CD302: variants seen among roughly 807,000 people sequenced by gnomAD.
CD302 encodes CD302 antigen.
A neutral mutation model predicts 26.5 loss-of-function variants in CD302; 23 were observed. That is an observed-to-expected ratio of 0.87 (90% CI 0.62 to 1.23). The LOEUF (loss-of-function observed/expected upper bound fraction) is 1.23, where lower values mean the gene tolerates loss of function less well. Among genes scored for constraint, CD302 ranks in the 50% most tolerant of loss-of-function variants. CD302 has a pLI of 0.00. For missense variants in CD302, 290 were observed against 275.5 expected, an observed-to-expected ratio of 1.05 and a Z score of -0.37; for synonymous variants, 90 against 99.4, an observed-to-expected ratio of 0.91 and a Z score of 0.56.
rs532373464 is a variant in CD302 at position 159,774,119 on chromosome 2, A to G, written c.497-2066T>C. ...CCGTCCAGCCTTGAAGTTATCTCCT[A>G]CTCACTTGGCTTCCCTGACTGCTCT... On this transcript the variant is annotated intron_variant, in intron 5 of 5. Coordinates refer to ENST00000259053, the MANE Select transcript of CD302 (RefSeq NM_014880.5). Among the ~76,000 whole-genome samples, 3 of 151,298 alleles carry G rather than the reference A, an allele frequency of 2.0e-5. 1 individual carries two copies. Among genetic ancestry groups the G allele is most frequent in the Admixed American group, 1.3e-4 (2 of 15,150 alleles).
At chr2:159,798,099 A>T in intron 1 of CD302, 33 bp downstream of exon 1, 1 of 1,492,892 alleles carries the variant, frequency 6.7e-7, no homozygotes, top group South Asian at 1.2e-5. Flanking sequence ...GCGGTCGCGC[A>T]CGGTCCCGGC....
At chr2:159,781,100 A>G (rs1708492704) in intron 2 of CD302, 102 bp from the exon 3 acceptor site, 1 of 910,532 alleles carries the variant, frequency 1.1e-6, no homozygotes, top group Non-Finnish European at 1.6e-6. Context: ...TTCTATATAT[A>G]TTAGAGCTGG....
rs1174364770 is a variant in CD302, at chr2:159,769,753, G to GC, written c.*2097dup. The GC allele has an allele frequency of 6.6e-6, 1 of 152,170 alleles. No homozygotes were observed. The allele number at this position is 152,170 out of a possible 1,614,324, so 9.4% of individuals were successfully genotyped here. A position where few individuals can be genotyped will look rare whatever the true frequency, so the allele number is the denominator to read the frequency against. ...TTAAAGCAGCTATTTTGGAAGAGCTGCCATTAGGTAGAAAGTATCAAAATG... is the reference window on the plus strand; with the variant it reads ...TTAAAGCAGCTATTTTGGAAGAGCTGCCCATTAGGTAGAAAGTATCAAAATG... On this transcript the variant is annotated 3_prime_UTR_variant, in exon 6 of 6. Coordinates refer to ENST00000259053, the MANE Select transcript of CD302 (RefSeq NM_014880.5).
chr2:159,797,224 G>GGGA (rs1553796277), intron 1 of CD302, among the ~76,000 whole-genome samples: 1 of 133,022 alleles, frequency 7.5e-6, no homozygotes, highest in Middle Eastern at 3.9e-3. Flanking sequence ...GCAAGGGGTG[G>GGGA]GGGGGGGGAA....
chr2:159,777,733 A>T (rs1418350594), intron 5 of CD302, among the ~76,000 whole-genome samples: 1 of 152,200 alleles, frequency 6.6e-6, no homozygotes, highest in Non-Finnish European at 1.5e-5. Flanking sequence ...ATTCCCGAGT[A>T]AAAGAAGCCA....
intron 1 of CD302, among the ~76,000 whole-genome samples, chr2:159,786,006 T>C (rs1292304904): frequency 6.6e-6 from 1 of 152,188 alleles, no homozygotes; most frequent in Non-Finnish European, 1.5e-5. Context: ...GTTGTAAATA[T>C]CAGGTAAGAT....
intron 1 of CD302, among the ~76,000 whole-genome samples, chr2:159,786,737 A>G (rs957085818): frequency 6.6e-6 from 1 of 152,366 alleles, no homozygotes; most frequent in East Asian, 1.9e-4. Context: ...CAAATAAAAC[A>G]TACATGCAAT....
chr2:159,772,106 A>G, intron 5 of CD302, 53 bp from the exon 6 acceptor site: 1 of 1,571,994 alleles, frequency 6.4e-7, no homozygotes, highest in Non-Finnish European at 8.7e-7. Context: ...CACAAGTTGC[A>G]AGTATATTTT....
At chr2:159,793,697 T>C (rs1708869073) in intron 1 of CD302, among the ~76,000 whole-genome samples, 1 of 152,142 alleles carries the variant, frequency 6.6e-6, no homozygotes, top group Non-Finnish European at 1.5e-5. Flanking sequence ...CCCTGACTAA[T>C]CCAGAGATTC....
Position 159,780,014 on chromosome 2 carries a change from T to C in CD302, c.460A>G (p.Lys154Glu), listed in dbSNP as rs992967359. Residue 154 changes from lysine (K) to glutamate (E), a missense_variant, in exon 4 of 6, where the codon AAA (lysine) becomes GAA (glutamate). Coordinates refer to ENST00000259053, the MANE Select transcript of CD302 (RefSeq NM_014880.5). ...CTTCGGTCATACTTACTAGCTGTTT[T>C]GCATAGTGTTCCTTCCACAGAAGAA... ...EVSSVEGTLC[K>E]TAIPYKRKYL... The C allele has an allele frequency of 3.1e-6, 5 of 1,613,582 alleles. No individual in the cohort carries two copies. The highest frequency in any genetic ancestry group is 4.2e-6 in the Non-Finnish European group (5 of 1,179,710).
In CD302 at chr2:159,793,837, T is replaced by C. The variant is rs572537730; in HGVS notation, c.67+4295A>G. On this transcript the variant is annotated intron_variant, in intron 1 of 5. Coordinates refer to ENST00000259053, the MANE Select transcript of CD302 (RefSeq NM_014880.5). ...AGACATCCATCTCCATATTGTCCCA[T>C]CACTTCCCTCTTCAGAAGGGCTGTT... Among the ~76,000 whole-genome samples, 66 of 152,272 alleles carry C rather than the reference T, an allele frequency of 4.3e-4. 1 individual carries two copies. The highest frequency in any genetic ancestry group is 1.5e-3 in the African/African-American group (63 of 41,558).
At position 159,772,069 on chromosome 2, in the gene CD302, CAAA is replaced by C; in HGVS notation, c.497-19_497-17del. The C allele has an allele frequency of 1.9e-6, 3 of 1,612,576 alleles. No individual in the cohort carries two copies. Among genetic ancestry groups the C allele is most frequent in the Non-Finnish European group, 1.7e-6 (2 of 1,179,178 alleles). ...ATGTGGTTATCTGAAAAGGAAAAGA[CAAA>C]AGAGTATTTGGGAAATTAGGGTACA... On this transcript the variant is annotated splice_polypyrimidine_tract_variant and intron_variant, in intron 5 of 5. Coordinates refer to ENST00000259053, the MANE Select transcript of CD302 (RefSeq NM_014880.5).
intron 1 of CD302, among the ~76,000 whole-genome samples, chr2:159,784,050 C>T (rs1306400393): frequency 2.0e-5 from 3 of 152,182 alleles, no homozygotes; most frequent in African/African-American, 7.2e-5. Context: ...AACCATAACT[C>T]TTCCTCTACT....
intron 4 of CD302, among the ~76,000 whole-genome samples, chr2:159,778,456 C>T (rs1340700863): frequency 1.3e-5 from 2 of 152,186 alleles, no homozygotes; most frequent in Admixed American, 6.5e-5. Flanking sequence ...AAGTTGAATA[C>T]TGCTACCATA....
At chr2:159,780,661 C>T (rs1194431024) in intron 3 of CD302, among the ~76,000 whole-genome samples, 1 of 152,090 alleles carries the variant, frequency 6.6e-6, no homozygotes, top group Non-Finnish European at 1.5e-5. Flanking sequence ...GCCTTAGAGC[C>T]ACATTTTAAT....
chr2:159,784,755 C>T (rs183521483), intron 1 of CD302, among the ~76,000 whole-genome samples: 2 of 152,222 alleles, frequency 1.3e-5, no homozygotes, highest in East Asian at 3.9e-4. Context: ...ATTAATTCAA[C>T]ACTCTCAAGT....
intron 1 of CD302, among the ~76,000 whole-genome samples, chr2:159,790,370 G>A (rs6732598): frequency 0.58 from 88,172 of 151,680 alleles, 25,923 homozygotes; most frequent in Admixed American, 0.68. Flanking sequence ...ACGGATAAAA[G>A]GAAAAAGAAA....
Position 159,770,450 on chromosome 2 carries a change from A to G in CD302, c.*1401T>C, listed in dbSNP as rs1708103725. On this transcript the variant is annotated 3_prime_UTR_variant, in exon 6 of 6. Coordinates refer to ENST00000259053, the MANE Select transcript of CD302 (RefSeq NM_014880.5). ...TGAGTGTTTTCGATTCATGTGGTCA[A>G]TAAAAAGAGACTACACAAGCTGGAA... The G allele has an allele frequency of 6.6e-6, 1 of 152,186 alleles. No homozygotes were observed. Among genetic ancestry groups the G allele is most frequent in the African/African-American group, 2.4e-5 (1 of 41,442 alleles). The allele number at this position is 152,186 out of a possible 1,614,324, so 9.4% of individuals were successfully genotyped here.
intron 1 of CD302, among the ~76,000 whole-genome samples, chr2:159,784,206 G>A (rs953946372): frequency 1.2e-4 from 18 of 152,084 alleles, no homozygotes; most frequent in African/African-American, 3.4e-4. Flanking sequence ...GGCCAAAATG[G>A]AAAGAGAATT....
Sources: gnomAD v4.1 joint callset for allele counts (sites outside exome capture counted in the v4.1 genomes callset) on GRCh38, gnomAD v4.1.1 for gene constraint, MANE v1.5 for transcripts, NCBI Gene and HGNC (gene_info 2026-07-23, HGNC 2026-07-21) for gene names.